Variants in PRIM2 observed in about 807,000 individuals in gnomAD.
PRIM2 encodes DNA primase subunit 2.
Under a neutral mutation model 67.3 loss-of-function variants are expected in PRIM2, and 39 were observed. The observed-to-expected ratio is 0.58, with a 90% CI of 0.45 to 0.76. The LOEUF (loss-of-function observed/expected upper bound fraction) is 0.76, where lower values mean the gene tolerates loss of function less well. Ranked by LOEUF, PRIM2 falls within the 30% of genes least tolerant of loss-of-function variation. The probability of loss-of-function intolerance (pLI) is 0.00; values close to 1 mark genes in which losing one functional copy is unlikely to be tolerated. For synonymous variants in PRIM2, 143 were observed against 198.7 expected, an observed-to-expected ratio of 0.72 and a Z score of 2.36; for missense variants, 398 against 598.7, an observed-to-expected ratio of 0.66 and a Z score of 3.50.
intron 7 of PRIM2, among the ~76,000 whole-genome samples, chr6:57,459,597 T>A (rs1358373104): frequency 2.6e-5 from 4 of 152,198 alleles, no homozygotes; most frequent in African/African-American, 4.8e-5. Flanking sequence ...TCTGTAGGGC[T>A]GCCCGGAAAC....
chr6:57,356,597 ATCT>A (rs1419342257), intron 5 of PRIM2, among the ~76,000 whole-genome samples: 1 of 152,194 alleles, frequency 6.6e-6, no homozygotes, highest in Admixed American at 6.5e-5. Context: ...TTGAGTCCAA[ATCT>A]TCTTTTCATG....
chr6:57,297,653 T>C, the PRIM2 span, among the ~76,000 whole-genome samples: 1 of 152,116 alleles, frequency 6.6e-6, no homozygotes, highest in Non-Finnish European at 1.5e-5. Context: ...GCAGATAGCA[T>C]CTTAACCAAA....
In PRIM2 at chr6:57,513,980, G is replaced by A. The variant is rs1554347972; in HGVS notation, c.761+6526G>A. Among the ~76,000 whole-genome samples the A allele has an allele frequency of 3.1e-4, 47 of 152,250 alleles. No individual in the cohort carries two copies. The South Asian group carries it at 4.1e-3, about 13-fold the overall frequency. The stretch of plus-strand genomic sequence containing the variant: ...GAATTAGAAATCAAACAAAGATAAA[G>A]CAAGCTAAAACAAGTATTACTTATA... On this transcript the variant is annotated intron_variant, in intron 8 of 13. Coordinates refer to ENST00000615550, the MANE Select transcript of PRIM2 (RefSeq NM_000947.5).
In PRIM2 at chr6:57,408,132, T is replaced by C. The variant is rs1389232099; in HGVS notation, c.693+25964T>C. Among the ~76,000 whole-genome samples the C allele has an allele frequency of 2.6e-5, 4 of 152,374 alleles. No homozygotes were observed. The East Asian group carries it at 7.7e-4, about 29-fold the overall frequency. On this transcript the variant is annotated intron_variant, in intron 7 of 13. Coordinates refer to ENST00000615550, the MANE Select transcript of PRIM2 (RefSeq NM_000947.5). Reference sequence around the variant, plus strand: ...TGGTGAGCATAAATGTGCCAATCATTGTGATATGGCTTCGATGAGTGGAAG... The same window carrying C: ...TGGTGAGCATAAATGTGCCAATCATCGTGATATGGCTTCGATGAGTGGAAG...
At chr6:57,417,510 A>G (rs2397288) in intron 7 of PRIM2, among the ~76,000 whole-genome samples, 1 of 152,166 alleles carries the variant, frequency 6.6e-6, no homozygotes, top group African/African-American at 2.4e-5. Flanking sequence ...TACTAATTTC[A>G]ATATTATTGT....
At chr6:57,357,091 G>A (rs1769054465) in intron 5 of PRIM2, among the ~76,000 whole-genome samples, 1 of 151,958 alleles carries the variant, frequency 6.6e-6, no homozygotes, top group Admixed American at 6.6e-5. Flanking sequence ...ACACCACCAT[G>A]CCCAGCTCAT....
the PRIM2 span, among the ~76,000 whole-genome samples, chr6:57,243,554 C>CTCT: frequency 6.6e-6 from 1 of 152,136 alleles, no homozygotes; most frequent in Non-Finnish European, 1.5e-5. Flanking sequence ...CTGCAACCTC[C>CTCT]GCCTGCCGGG....
chr6:57,336,082 T>C (rs1768235133), intron 5 of PRIM2, among the ~76,000 whole-genome samples: 1 of 152,164 alleles, frequency 6.6e-6, no homozygotes, highest in African/African-American at 2.4e-5. Context: ...CAGGAGCCGA[T>C]GCGATCAACT....
intron 3 of PRIM2, among the ~76,000 whole-genome samples, chr6:57,320,850 T>C (rs1767631806): frequency 6.6e-6 from 1 of 152,204 alleles, no homozygotes; most frequent in Admixed American, 6.5e-5. Flanking sequence ...CTTCTACCCC[T>C]ACATATTTCC....
At chr6:57,507,098 G>A (rs1274454767) in intron 7 of PRIM2, among the ~76,000 whole-genome samples, 1 of 151,852 alleles carries the variant, frequency 6.6e-6, no homozygotes, top group African/African-American at 2.4e-5. Flanking sequence ...ATAAGTGAAT[G>A]CTTTTTCATG....
chr6:57,326,083 C>G (rs750345895), intron 5 of PRIM2, 38 bp downstream of exon 5: 12 of 1,599,666 alleles, frequency 7.5e-6, no homozygotes, highest in African/African-American at 1.4e-5. Context: ...ATTGTTCTCA[C>G]CATTCATTTT....
chr6:57,293,309 T>C, the PRIM2 span, among the ~76,000 whole-genome samples: 2 of 152,188 alleles, frequency 1.3e-5, no homozygotes, highest in African/African-American at 4.8e-5. Flanking sequence ...CCTGTTAGAA[T>C]GGCAATCATG....
At chr6:57,614,159 TTC>T (rs1368143978) in intron 12 of PRIM2, among the ~76,000 whole-genome samples, 1 of 152,198 alleles carries the variant, frequency 6.6e-6, no homozygotes, top group Non-Finnish European at 1.5e-5. Flanking sequence ...CCATGTTAGA[TTC>T]TCATAGGAGC....
intron 12 of PRIM2, among the ~76,000 whole-genome samples, chr6:57,613,215 A>G (rs1377044108): frequency 1.3e-5 from 2 of 152,216 alleles, no homozygotes; most frequent in Admixed American, 1.3e-4. Context: ...GTATAAACAT[A>G]TAATTTAGAG....
chr6:57,285,251 G>A, the PRIM2 span, among the ~76,000 whole-genome samples: 1 of 152,064 alleles, frequency 6.6e-6, no homozygotes, highest in South Asian at 2.1e-4. Context: ...AAAAAAAGAG[G>A]GACTCCTCCC....
At chr6:57,238,925 C>G in the PRIM2 span, among the ~76,000 whole-genome samples, 1 of 152,252 alleles carries the variant, frequency 6.6e-6, no homozygotes, top group East Asian at 1.9e-4. Flanking sequence ...TTGCCTTTGT[C>G]GTGCTGTCTA....
chr6:57,282,911 A>T, the PRIM2 span, among the ~76,000 whole-genome samples: 84 of 152,268 alleles, frequency 5.5e-4, no homozygotes, highest in East Asian at 0.015. Flanking sequence ...TTATAAGCTG[A>T]CTTTCCCAAT....
the PRIM2 span, among the ~76,000 whole-genome samples, chr6:57,296,782 ATTAAAAAGAACC>A: frequency 6.6e-6 from 1 of 152,124 alleles, no homozygotes; most frequent in African/African-American, 2.4e-5. Flanking sequence ...TCATTCTCTC[ATTAAAAAGAACC>A]AGGGCTCTTT....
At chr6:57,500,854 A>G (rs1335425258) in intron 7 of PRIM2, among the ~76,000 whole-genome samples, 17 of 148,860 alleles carry the variant, frequency 1.1e-4, no homozygotes, top group African/African-American at 4.4e-4. Flanking sequence ...GAAAAGAGAG[A>G]TAAGCTAAAG....
Sources: allele counts gnomAD v4.1 joint callset (sites outside exome capture counted in the v4.1 genomes callset), GRCh38; gene constraint gnomAD v4.1.1; transcripts MANE v1.5; gene names NCBI Gene and HGNC (gene_info 2026-07-23, HGNC 2026-07-21).